Variants in SCAPER observed in about 807,000 individuals in gnomAD.
SCAPER encodes the protein S-phase cyclin A associated protein in the ER, also known as S phase cyclin A-associated protein in the endoplasmic reticulum.
Under a neutral mutation model 182.2 loss-of-function variants are expected in SCAPER, and 98 were observed. The ratio of observed to expected loss-of-function variants is 0.54; its 90% CI spans 0.46 to 0.64. SCAPER has a LOEUF of 0.64. Ranked by LOEUF, SCAPER falls within the 30% of genes least tolerant of loss-of-function variation. SCAPER has a pLI of 0.00. For missense variants in SCAPER, 1,432 were observed against 1,690.0 expected (o/e 0.85, Z 2.68); for synonymous variants, 605 against 564.6 (o/e 1.07, Z -1.01).
chr15:76,532,746 T>A lies in SCAPER; in HGVS notation c.2839-27772A>T, dbSNP rs138890216. Among the ~76,000 whole-genome samples, 73 of 152,304 alleles carry A rather than the reference T, an allele frequency of 4.8e-4. 2 individuals are homozygous for A. The East Asian group carries it at 0.012, about 24-fold the overall frequency. ...ATAGGCAGAGGAAATGAGGGAGTAT[T>A]ACAGAGGTAACATCACAGGGAAATA... On this transcript the variant is annotated intron_variant, in intron 23 of 31. Coordinates refer to ENST00000563290, the MANE Select transcript of SCAPER (RefSeq NM_020843.4).
intron 23 of SCAPER, among the ~76,000 whole-genome samples, chr15:76,519,722 C>G (rs2042698116): frequency 6.6e-6 from 1 of 152,186 alleles, no homozygotes; most frequent in Non-Finnish European, 1.5e-5. Flanking sequence ...CTAATACTTC[C>G]TATCTCAAGT....
intron 22 of SCAPER, among the ~76,000 whole-genome samples, chr15:76,589,593 T>C (rs898394190): frequency 2.0e-5 from 3 of 152,094 alleles, no homozygotes; most frequent in African/African-American, 4.8e-5. Flanking sequence ...GCTGAGAACA[T>C]GCCCCAGGCT....
chr15:76,379,846 CAGG>C (rs1229761135), intron 28 of SCAPER: 1 of 151,998 alleles, frequency 6.6e-6, no homozygotes, highest in Admixed American at 6.6e-5. Flanking sequence ...CACAAGTTCA[CAGG>C]AGGAGAGGGG....
chr15:76,636,779 G>C (rs2053637896), intron 21 of SCAPER, among the ~76,000 whole-genome samples: 1 of 152,096 alleles, frequency 6.6e-6, no homozygotes, highest in Non-Finnish European at 1.5e-5. Context: ...CTTGATTTCA[G>C]TGGCCTTTTG....
chr15:76,604,632 G>A (rs558359430), intron 22 of SCAPER, among the ~76,000 whole-genome samples: 182 of 151,300 alleles, frequency 1.2e-3, no homozygotes, highest in African/African-American at 3.6e-3. Flanking sequence ...GGCCATTTTC[G>A]TGATATTGAT....
intron 21 of SCAPER, among the ~76,000 whole-genome samples, chr15:76,624,952 T>G (rs1009403447): frequency 6.6e-6 from 1 of 152,172 alleles, no homozygotes; most frequent in Non-Finnish European, 1.5e-5. Flanking sequence ...TCTCATGTTG[T>G]TGGTGGTAGC....
chr15:76,549,806 T>C (rs2045607290), intron 23 of SCAPER, among the ~76,000 whole-genome samples: 1 of 151,594 alleles, frequency 6.6e-6, no homozygotes, highest in Non-Finnish European at 1.5e-5. Flanking sequence ...TATACAAAAA[T>C]CAACTCAAAA....
intron 22 of SCAPER, among the ~76,000 whole-genome samples, chr15:76,583,947 T>C (rs1471864878): frequency 6.6e-6 from 1 of 152,128 alleles, no homozygotes; most frequent in Non-Finnish European, 1.5e-5. Context: ...AAAATCAGTA[T>C]ATTGAAGAGG....
intron 29 of SCAPER, among the ~76,000 whole-genome samples, chr15:76,362,800 AACTC>A (rs1387130466): frequency 6.6e-5 from 10 of 152,200 alleles, no homozygotes; most frequent in Admixed American, 1.3e-4. Flanking sequence ...AGCTCTTTAG[AACTC>A]ACTTATATTC....
intron 1 of SCAPER, among the ~76,000 whole-genome samples, chr15:76,887,962 G>C (rs887295116): frequency 5.9e-5 from 9 of 152,198 alleles, no homozygotes; most frequent in Middle Eastern, 3.2e-3. Context: ...TCCAGAGGAG[G>C]GTCAGGCAGC....
At chr15:76,610,376 G>A (rs1567592749) in intron 22 of SCAPER, among the ~76,000 whole-genome samples, 1 of 152,246 alleles carries the variant, frequency 6.6e-6, no homozygotes, top group East Asian at 1.9e-4. Flanking sequence ...CCAAGATTAG[G>A]AATAAGGCAA....
chr15:76,766,207 C>T (rs2063106715), intron 11 of SCAPER, among the ~76,000 whole-genome samples: 1 of 152,110 alleles, frequency 6.6e-6, no homozygotes, highest in African/African-American at 2.4e-5. Context: ...AACTATTCTC[C>T]TGCCTCAGCC....
intron 1 of SCAPER, among the ~76,000 whole-genome samples, chr15:76,887,637 A>G (rs1233350563): frequency 1.3e-5 from 2 of 152,188 alleles, no homozygotes; most frequent in Non-Finnish European, 2.9e-5. Context: ...GTAGGTAAAC[A>G]AAGCAGCCAG....
rs370134015 is a variant in SCAPER at position 76,800,267 on chromosome 15, G to A, written c.592C>T (p.Arg198Ter). ...TCTCACCCAAAATTTAAGCTTCGTC[G>A]AGCATTTGATGTTACATTTATTCTA... is the stretch of plus-strand genomic sequence containing the variant. ...TDRINVTSNA[R>*]RSLNFGGSTG... is the part of the protein sequence containing the mutation. Residue 198 changes from arginine (R) to a stop codon, truncating the protein, a stop_gained, in exon 7 of 32, where the codon CGA becomes TGA. Transcript: ENST00000563290. LOFTEE classifies it high-confidence loss of function. 15 of 1,610,248 alleles carry A rather than the reference G, an allele frequency of 9.3e-6. No homozygotes were observed. Among genetic ancestry groups the A allele is most frequent in the Non-Finnish European group, 1.3e-5 (15 of 1,177,710 alleles).
At chr15:76,643,909 C>T (rs572333288) in intron 21 of SCAPER, among the ~76,000 whole-genome samples, 3 of 152,194 alleles carry the variant, frequency 2.0e-5, no homozygotes, top group South Asian at 2.1e-4. Flanking sequence ...TGAAGGACCA[C>T]GAATCTACCT....
intron 14 of SCAPER, among the ~76,000 whole-genome samples, chr15:76,761,362 C>T (rs1200827075): frequency 3.3e-5 from 5 of 152,006 alleles, no homozygotes; most frequent in Non-Finnish European, 5.9e-5. Flanking sequence ...TCTTTCCATA[C>T]AGTAACTTTG....
chr15:76,737,607 A>C (rs968019345), intron 15 of SCAPER, among the ~76,000 whole-genome samples: 3 of 152,234 alleles, frequency 2.0e-5, no homozygotes, highest in African/African-American at 7.2e-5. Context: ...GTCAGCCTTG[A>C]CTTTGAAGAT....
intron 4 of SCAPER, among the ~76,000 whole-genome samples, chr15:76,847,990 C>G: frequency 6.6e-6 from 1 of 152,136 alleles, no homozygotes; most frequent in East Asian, 1.9e-4. Flanking sequence ...TTGAAACTAT[C>G]TGAAGTACAA....
At chr15:76,587,643 G>C (rs187044791) in intron 22 of SCAPER, among the ~76,000 whole-genome samples, 2 of 152,154 alleles carry the variant, frequency 1.3e-5, no homozygotes, top group African/African-American at 4.8e-5. Flanking sequence ...TGGTCTGACA[G>C]AGTACATGAT....
Sources: allele counts gnomAD v4.1 joint callset (sites outside exome capture counted in the v4.1 genomes callset), GRCh38; gene constraint gnomAD v4.1.1; transcripts MANE v1.5; gene names NCBI Gene and HGNC (gene_info 2026-07-23, HGNC 2026-07-21).